Variants in PTPRM observed in about 807,000 individuals in gnomAD.
PTPRM encodes the protein protein tyrosine phosphatase receptor type M.
PTPRM carries 47 observed loss-of-function variants against 186.7 expected under a neutral mutation model. That is an observed-to-expected ratio of 0.25 (90% confidence interval 0.20 to 0.32). The LOEUF (loss-of-function observed/expected upper bound fraction) is 0.32. PTPRM is among the 10% of genes least tolerant of loss of function. The probability of loss-of-function intolerance (pLI) is 1.00; values close to 1 mark genes in which losing one functional copy is unlikely to be tolerated. For missense variants in PTPRM, 1,494 were observed against 1,865.0 expected (o/e 0.80, Z 3.66); for synonymous variants, 668 against 674.9 (o/e 0.99, Z 0.16).
At chr18:7,959,979 C>T (rs918217708) in intron 7 of PTPRM, among the ~76,000 whole-genome samples, 1 of 152,156 alleles carries the variant, frequency 6.6e-6, no homozygotes, top group African/African-American at 2.4e-5. Flanking sequence ...CTAATGTATC[C>T]TATATTCTCA....
intron 2 of PTPRM, among the ~76,000 whole-genome samples, chr18:7,774,975 A>C (rs905402581): frequency 6.6e-6 from 1 of 152,148 alleles, no homozygotes; most frequent in African/African-American, 2.4e-5. Flanking sequence ...ATTTGGTGAT[A>C]AGTTTGCTCC....
chr18:8,054,398 C>T (rs1248493260), intron 7 of PTPRM, among the ~76,000 whole-genome samples: 1 of 147,084 alleles, frequency 6.8e-6, no homozygotes, highest in Non-Finnish European at 1.5e-5. Flanking sequence ...TCTACATTTC[C>T]CCTCACCCCT....
In PTPRM at chr18:8,363,533, A is replaced by C. The variant is rs756119817; in HGVS notation, c.3055-7357A>C. Among the ~76,000 whole-genome samples the C allele has an allele frequency of 2.0e-4, 31 of 152,218 alleles. 1 individual carries two copies. Among genetic ancestry groups the C allele is most frequent in the Admixed American group, 6.5e-5 (1 of 15,278 alleles). ...TGTATTCTAATAATGTCATTGCTCAAAAGATTTCTGAAGTTCTTATTTCAG... is the reference window on the plus strand; with the variant it reads ...TGTATTCTAATAATGTCATTGCTCACAAGATTTCTGAAGTTCTTATTTCAG... On this transcript the variant is annotated intron_variant, in intron 23 of 32. Transcript: ENST00000580170.
chr18:8,344,448 G>GTGTATGTATATATATATA (rs1360655194), intron 23 of PTPRM, among the ~76,000 whole-genome samples: 1 of 33,420 alleles, frequency 3.0e-5, no homozygotes, highest in African/African-American at 7.5e-5. Context: ...GTGTGTGTGT[G>GTGTATGTATATATATATA]TATATATATA....
At chr18:8,400,427 G>A (rs1568914414) in intron 32 of PTPRM, among the ~76,000 whole-genome samples, 2 of 152,202 alleles carry the variant, frequency 1.3e-5, no homozygotes, top group Admixed American at 6.5e-5. Flanking sequence ...ACTCCCGGGG[G>A]AGCTTTCAGA....
At chr18:8,008,468 T>C (rs548689125) in intron 7 of PTPRM, among the ~76,000 whole-genome samples, 179 of 152,252 alleles carry the variant, frequency 1.2e-3, no homozygotes, top group African/African-American at 4.0e-3. Context: ...TTTTTATGAA[T>C]AGATAATTAA....
At chr18:7,810,162 G>T (rs560586462) in intron 2 of PTPRM, among the ~76,000 whole-genome samples, 1 of 152,278 alleles carries the variant, frequency 6.6e-6, no homozygotes, top group Non-Finnish European at 1.5e-5. Context: ...CGCTGCCTTT[G>T]TCACCGCCCC....
chr18:7,856,597 A>G (rs2047107187), intron 2 of PTPRM, among the ~76,000 whole-genome samples: 1 of 151,728 alleles, frequency 6.6e-6, no homozygotes, highest in African/African-American at 2.4e-5. Flanking sequence ...AAAGAAAACT[A>G]CCTGGATGTG....
At chr18:8,237,455 T>A (rs1025972480) in intron 14 of PTPRM, among the ~76,000 whole-genome samples, 5 of 82,574 alleles carry the variant, frequency 6.1e-5, no homozygotes, top group Non-Finnish European at 7.4e-5. Context: ...TTTTTTTTTT[T>A]TTTTTTTCCT....
chr18:8,294,112 C>T (rs1194375321), intron 19 of PTPRM, among the ~76,000 whole-genome samples: 1 of 151,978 alleles, frequency 6.6e-6, no homozygotes, highest in East Asian at 1.9e-4. Flanking sequence ...GTCAGCTGGG[C>T]GTGGTGGTGC....
intron 8 of PTPRM, among the ~76,000 whole-genome samples, chr18:8,074,843 CT>C (rs1294702540): frequency 6.6e-6 from 1 of 152,116 alleles, no homozygotes; most frequent in Non-Finnish European, 1.5e-5. Flanking sequence ...TTCTCCCATT[CT>C]GTGTCTTGTC....
chr18:7,578,038 C>G (rs1383410353), intron 1 of PTPRM, among the ~76,000 whole-genome samples: 1 of 152,160 alleles, frequency 6.6e-6, no homozygotes, highest in Non-Finnish European at 1.5e-5. Context: ...GTAGTAGCCT[C>G]TGGTTGGATC....
chr18:8,036,982 G>A (rs2086374373), intron 7 of PTPRM, among the ~76,000 whole-genome samples: 1 of 152,160 alleles, frequency 6.6e-6, no homozygotes, highest in African/African-American at 2.4e-5. Context: ...AACTTCCTCT[G>A]CTTCTGAACT....
intron 13 of PTPRM, among the ~76,000 whole-genome samples, chr18:8,119,282 G>A (rs891209769): frequency 1.3e-5 from 2 of 152,012 alleles, no homozygotes; most frequent in Non-Finnish European, 2.9e-5. Context: ...TAAGCTTTTT[G>A]AGAAGTTTCT....
intron 22 of PTPRM, among the ~76,000 whole-genome samples, chr18:8,327,200 C>T (rs142756901): frequency 6.6e-5 from 10 of 152,324 alleles, no homozygotes; most frequent in Non-Finnish European, 1.3e-4. Context: ...ACCTTATCAC[C>T]GCCATCACTG....
At chr18:7,664,536 C>T (rs1200100260) in intron 1 of PTPRM, among the ~76,000 whole-genome samples, 4 of 152,066 alleles carry the variant, frequency 2.6e-5, no homozygotes, top group Non-Finnish European at 5.9e-5. Flanking sequence ...TGGCTGTTGT[C>T]TAGGAGCGCA....
At chr18:7,780,191 C>T (rs1354962746) in intron 2 of PTPRM, among the ~76,000 whole-genome samples, 1 of 152,212 alleles carries the variant, frequency 6.6e-6, no homozygotes, top group Non-Finnish European at 1.5e-5. Context: ...ATAAATGACA[C>T]TAAGCAGTCA....
In PTPRM at chr18:7,897,064, TTG is replaced by T. The variant is rs2049399401; in HGVS notation, c.468+8691_468+8692del. Among the ~76,000 whole-genome samples the T allele has an allele frequency of 2.0e-5, 3 of 152,184 alleles. No homozygotes were observed. In the South Asian group the frequency reaches 6.2e-4, roughly 32 times the overall value. On this transcript the variant is annotated intron_variant, in intron 3 of 32. Transcript: ENST00000580170. ...GTTGAATTGGTGAGTCTTTTCTAGA[TTG>T]TGTTCCACAAATCCAGGGAATGTTA... is the stretch of plus-strand genomic sequence containing the variant.
chr18:7,892,807 ATCT>A (rs1250445726), intron 3 of PTPRM, among the ~76,000 whole-genome samples: 2 of 152,192 alleles, frequency 1.3e-5, no homozygotes, highest in Non-Finnish European at 2.9e-5. Flanking sequence ...GCAGATGGTC[ATCT>A]TCTTTCTGTG....
Sources: allele counts gnomAD v4.1 joint callset (sites outside exome capture counted in the v4.1 genomes callset), GRCh38; gene constraint gnomAD v4.1.1; transcripts MANE v1.5; gene names NCBI Gene and HGNC (gene_info 2026-07-23, HGNC 2026-07-21).